The following CTNNA2 variants were observed in gnomAD, a reference collection of about 807,000 sequenced individuals.
CTNNA2 encodes catenin alpha-2.
CTNNA2 carries 42 observed loss-of-function variants against 101.0 expected under a neutral mutation model. That is an observed-to-expected ratio of 0.42 (90% CI 0.32 to 0.54). CTNNA2 has a LOEUF of 0.54. Among genes scored for constraint, CTNNA2 ranks in the 20% least tolerant of loss-of-function variants. The pLI is 0.14. For synonymous variants in CTNNA2, 450 were observed against 456.4 expected (o/e 0.99, Z 0.18); for missense variants, 871 against 1,223.1 (o/e 0.71, Z 4.29).
intron 1 of CTNNA2, among the ~76,000 whole-genome samples, chr2:79,191,791 A>G (rs1037139558): frequency 1.3e-5 from 2 of 152,184 alleles, no homozygotes; most frequent in African/African-American, 4.8e-5. Context: ...AGTCACAAGC[A>G]TGTGTGGTAA....
chr2:80,186,547 T>A (rs1706141245), intron 7 of CTNNA2, among the ~76,000 whole-genome samples: 1 of 152,358 alleles, frequency 6.6e-6, no homozygotes, highest in African/African-American at 2.4e-5. Context: ...TATTAGCTCA[T>A]AGTTAAATGT....
intron 1 of CTNNA2, among the ~76,000 whole-genome samples, chr2:79,527,640 T>C (rs1264475657): frequency 6.6e-6 from 1 of 151,418 alleles, no homozygotes; most frequent in African/African-American, 2.4e-5. Context: ...AAAAATTTAA[T>C]AAACGTTGGT....
chr2:80,400,125 T>C (rs1678420974), intron 8 of CTNNA2, among the ~76,000 whole-genome samples: 1 of 152,218 alleles, frequency 6.6e-6, no homozygotes, highest in African/African-American at 2.4e-5. Flanking sequence ...GCCTTGATTC[T>C]GACTGAATGT....
At chr2:79,443,189 G>A (rs1023027427) in intron 4 of CTNNA2, among the ~76,000 whole-genome samples, 1 of 152,090 alleles carries the variant, frequency 6.6e-6, no homozygotes, top group African/African-American at 2.4e-5. Flanking sequence ...TATGGAGGCT[G>A]AAAAGTTCCA....
chr2:79,822,430 A>C (rs1248735768), intron 3 of CTNNA2, among the ~76,000 whole-genome samples: 1 of 152,182 alleles, frequency 6.6e-6, no homozygotes, highest in African/African-American at 2.4e-5. Flanking sequence ...ATTTATGCTT[A>C]GTATAAAAAT....
intron 9 of CTNNA2, among the ~76,000 whole-genome samples, chr2:80,446,975 G>A (rs953825843): frequency 1.3e-5 from 2 of 151,874 alleles, no homozygotes. Context: ...ATTTCTTAAC[G>A]TGCACTCCAA....
rs141713371 is a variant in CTNNA2 at position 80,465,558 on chromosome 2, G to A, written c.1290+45957G>A. On this transcript the variant is annotated intron_variant, in intron 9 of 18. Coordinates refer to ENST00000402739, the MANE Select transcript of CTNNA2 (RefSeq NM_001282597.3). ...ACAGAGGGTTTCTTCCACTCCTTTT[G>A]GAGGTGCTCCAAAGCTTTCTGCGAT... Among the ~76,000 whole-genome samples, 266 of 152,202 alleles carry A rather than the reference G, an allele frequency of 1.7e-3. 2 individuals are homozygous for A. The highest frequency in any genetic ancestry group is 6.2e-3 in the African/African-American group (259 of 41,538).
intron 3 of CTNNA2, among the ~76,000 whole-genome samples, chr2:79,747,086 T>C (rs778846409): frequency 6.6e-6 from 1 of 152,184 alleles, no homozygotes; most frequent in Non-Finnish European, 1.5e-5. Context: ...GTTCCCCTTC[T>C]GCCCTGTTCT....
chr2:79,308,006 G>T (rs1338760121), intron 2 of CTNNA2, among the ~76,000 whole-genome samples: 1 of 151,994 alleles, frequency 6.6e-6, no homozygotes, highest in Non-Finnish European at 1.5e-5. Flanking sequence ...TGGCCATATG[G>T]ATGTCTTCTT....
intron 7 of CTNNA2, among the ~76,000 whole-genome samples, chr2:80,238,218 T>C (rs1197212812): frequency 6.6e-6 from 1 of 151,976 alleles, no homozygotes; most frequent in African/African-American, 2.4e-5. Flanking sequence ...CTCAAGATCA[T>C]TTGAGGCTCC....
chr2:79,307,167 A>G (rs1490806037), intron 2 of CTNNA2, among the ~76,000 whole-genome samples: 3 of 152,188 alleles, frequency 2.0e-5, no homozygotes, highest in Non-Finnish European at 2.9e-5. Flanking sequence ...TTTGATACAT[A>G]TAATGTATAG....
At chr2:79,592,533 T>A (rs1676931362) in intron 1 of CTNNA2, among the ~76,000 whole-genome samples, 1 of 152,140 alleles carries the variant, frequency 6.6e-6, no homozygotes, top group Admixed American at 6.6e-5. Context: ...GGGGGTGCTT[T>A]TTGTTTTTTT....
intron 7 of CTNNA2, among the ~76,000 whole-genome samples, chr2:79,973,423 A>G (rs1034287541): frequency 4.6e-5 from 7 of 152,306 alleles, no homozygotes; most frequent in African/African-American, 1.7e-4. Context: ...AGATATTATT[A>G]TCACTTCCAT....
chr2:80,087,067 A>G (rs532965976), intron 7 of CTNNA2, among the ~76,000 whole-genome samples: 1 of 151,982 alleles, frequency 6.6e-6, no homozygotes, highest in Non-Finnish European at 1.5e-5. Context: ...GATACCACTT[A>G]TTTTGCTATG....
chr2:79,469,648 G>A (rs1476696266), intron 4 of CTNNA2, among the ~76,000 whole-genome samples: 1 of 152,088 alleles, frequency 6.6e-6, no homozygotes, highest in Admixed American at 6.6e-5. Flanking sequence ...CTGGCAAACC[G>A]AATCCAGCAC....
intron 7 of CTNNA2, among the ~76,000 whole-genome samples, chr2:80,069,350 C>T (rs1053528002): frequency 1.3e-5 from 2 of 152,182 alleles, no homozygotes; most frequent in Admixed American, 6.5e-5. Context: ...ACCTAGGCAT[C>T]CCTTAACTCA....
chr2:80,220,147 A>G (rs1708494214), intron 7 of CTNNA2, among the ~76,000 whole-genome samples: 1 of 152,200 alleles, frequency 6.6e-6, no homozygotes, highest in South Asian at 2.1e-4. Flanking sequence ...TTCTTCCTGT[A>G]ACTGTAAAAG....
intron 7 of CTNNA2, among the ~76,000 whole-genome samples, chr2:80,130,106 G>T (rs1489039279): frequency 6.6e-6 from 1 of 152,122 alleles, no homozygotes; most frequent in African/African-American, 2.4e-5. Flanking sequence ...AATCACGGTG[G>T]TGCCAAAGAG....
chr2:79,475,655 T>G (rs78281666), intron 4 of CTNNA2, among the ~76,000 whole-genome samples: 3 of 148,744 alleles, frequency 2.0e-5, no homozygotes, highest in Non-Finnish European at 3.0e-5. Context: ...ATTTTCAATA[T>G]AGCTTATTTT....
Sources: allele counts gnomAD v4.1 joint callset (sites outside exome capture counted in the v4.1 genomes callset), GRCh38; gene constraint gnomAD v4.1.1; transcripts MANE v1.5; gene names NCBI Gene and HGNC (gene_info 2026-07-23, HGNC 2026-07-21).